ASTN2: variants seen among roughly 807,000 people sequenced by gnomAD.
The protein encoded by ASTN2 is astrotactin 2.
Under a neutral mutation model 139.8 loss-of-function variants are expected in ASTN2, and 54 were observed. That is an observed-to-expected ratio of 0.39 (90% CI 0.31 to 0.48). ASTN2 has a LOEUF of 0.48. Among genes scored for constraint, ASTN2 ranks in the 20% least tolerant of loss-of-function variants. The pLI is 0.95. For synonymous variants in ASTN2, 756 were observed against 719.5 expected, an observed-to-expected ratio of 1.05 and a Z score of -0.81; for missense variants, 1,565 against 1,725.1, an observed-to-expected ratio of 0.91 and a Z score of 1.64.
At chr9:117,108,881 A>ACTTCC (rs1241449145) in intron 4 of ASTN2, among the ~76,000 whole-genome samples, 1 of 152,046 alleles carries the variant, frequency 6.6e-6, no homozygotes, top group Admixed American at 6.6e-5. Context: ...GGTGCTCCCA[A>ACTTCC]CTTCCCTTCA....
At chr9:116,730,661 A>G (rs1411976069) in intron 14 of ASTN2, among the ~76,000 whole-genome samples, 2 of 152,212 alleles carry the variant, frequency 1.3e-5, no homozygotes, top group Non-Finnish European at 2.9e-5. Context: ...ATTACTGCTC[A>G]TTCATGTTCA....
At chr9:116,672,749 G>T (rs1474351487) in intron 16 of ASTN2, among the ~76,000 whole-genome samples, 4 of 152,068 alleles carry the variant, frequency 2.6e-5, no homozygotes, top group Non-Finnish European at 5.9e-5. Flanking sequence ...GTTGCAAAAA[G>T]ATACCAAGAA....
rs200108087 is a variant in ASTN2, at chr9:117,008,155, C to A, written c.1528G>T (p.Val510Leu). Residue 510 changes from valine (V) to leucine (L), a missense_variant, in exon 7 of 23, where the codon GTG becomes TTG. Coordinates refer to ENST00000313400, the MANE Select transcript of ASTN2 (RefSeq NM_001365068.1). ...YYQINATSPW[V>L]RDLCGQRTTD... ...GTCCTTTGTCCACAGAGGTCCCTCA[C>A]CCATGGGGAGGTGGCATTGATCTGG... 89 of 1,611,104 alleles carry A rather than the reference C, an allele frequency of 5.5e-5. No homozygotes were observed. Among genetic ancestry groups the A allele is most frequent in the Non-Finnish European group, 6.6e-5 (78 of 1,178,686 alleles).
intron 3 of ASTN2, among the ~76,000 whole-genome samples, chr9:117,174,252 C>G (rs1378500255): frequency 6.6e-6 from 1 of 151,924 alleles, no homozygotes; most frequent in East Asian, 1.9e-4. Context: ...ATACTATCTG[C>G]TAAATATTTA....
intron 11 of ASTN2, 64 bp downstream of exon 11, chr9:116,863,519 G>A (rs556665897): frequency 3.2e-6 from 5 of 1,577,518 alleles, no homozygotes; most frequent in Middle Eastern, 3.7e-4. Flanking sequence ...CGCAGGGCAG[G>A]GCTTCTAGCA....
intron 4 of ASTN2, among the ~76,000 whole-genome samples, chr9:117,104,625 C>T (rs895031918): frequency 6.6e-6 from 1 of 152,088 alleles, no homozygotes; most frequent in Non-Finnish European, 1.5e-5. Flanking sequence ...TATGTAAATA[C>T]ACACATGCAA....
Position 116,975,365 on chromosome 9 carries a change from A to G in ASTN2, c.1752-20T>C. 1 of 1,583,150 alleles carries G rather than the reference A, an allele frequency of 6.3e-7. No homozygotes were observed. Among genetic ancestry groups the G allele is most frequent in the Non-Finnish European group, 8.6e-7 (1 of 1,165,210 alleles). ...GTAGACCTGCAATGTAAGAGTTTCC[A>G]TTGGGGAACTCCCTGGGAAGCAGAG... On this transcript the variant is annotated intron_variant, in intron 9 of 22. Coordinates refer to ENST00000313400, the MANE Select transcript of ASTN2 (RefSeq NM_001365068.1).
chr9:117,270,565 C>A (rs1224363399), intron 2 of ASTN2, among the ~76,000 whole-genome samples: 1 of 152,188 alleles, frequency 6.6e-6, no homozygotes, highest in Non-Finnish European at 1.5e-5. Flanking sequence ...GCATTCCTAA[C>A]CTTTCAATTA....
chr9:116,964,356 G>A (rs1278151216), intron 10 of ASTN2, among the ~76,000 whole-genome samples: 1 of 151,976 alleles, frequency 6.6e-6, no homozygotes, highest in African/African-American at 2.4e-5. Context: ...TGCAACGAGT[G>A]GGCCTTAAAA....
At chr9:117,374,895 C>T (rs552347441) in intron 1 of ASTN2, among the ~76,000 whole-genome samples, 4 of 152,294 alleles carry the variant, frequency 2.6e-5, no homozygotes, top group South Asian at 4.2e-4. Context: ...ACTGTCAACC[C>T]AGAATTGAAG....
intron 1 of ASTN2, among the ~76,000 whole-genome samples, chr9:117,377,769 A>G (rs1830163710): frequency 1.3e-5 from 2 of 152,136 alleles, no homozygotes; most frequent in African/African-American, 4.8e-5. Flanking sequence ...GTCATTACAA[A>G]TAATGATATG....
At chr9:116,534,298 T>G (rs907900133) in intron 19 of ASTN2, among the ~76,000 whole-genome samples, 8 of 152,146 alleles carry the variant, frequency 5.3e-5, no homozygotes, top group Non-Finnish European at 1.0e-4. Flanking sequence ...TTTGTTGATC[T>G]TTTCAAAAAA....
intron 1 of ASTN2, among the ~76,000 whole-genome samples, chr9:117,302,050 T>C (rs892870666): frequency 1.8e-5 from 2 of 113,144 alleles, no homozygotes; most frequent in Non-Finnish European, 3.3e-5. Flanking sequence ...CTCACCACTG[T>C]CAAGGCAAGA....
chr9:116,685,549 T>C (rs2132033834), intron 16 of ASTN2, among the ~76,000 whole-genome samples: 1 of 152,340 alleles, frequency 6.6e-6, no homozygotes. Context: ...ATTAAAATGC[T>C]GAATAAAGAG....
At chr9:116,989,437 CA>C (rs1301782101) in intron 7 of ASTN2, among the ~76,000 whole-genome samples, 2 of 152,172 alleles carry the variant, frequency 1.3e-5, no homozygotes, top group Non-Finnish European at 2.9e-5. Flanking sequence ...GGCAGATGGT[CA>C]GGGTCACAGC....
chr9:117,216,012 C>A (rs925539581), intron 2 of ASTN2, among the ~76,000 whole-genome samples: 2 of 152,124 alleles, frequency 1.3e-5, no homozygotes, highest in Non-Finnish European at 2.9e-5. Flanking sequence ...AACTCTAGAG[C>A]CTATATTCTT....
intron 17 of ASTN2, among the ~76,000 whole-genome samples, chr9:116,646,786 G>A (rs73655456): frequency 6.6e-6 from 1 of 152,162 alleles, no homozygotes; most frequent in African/African-American, 2.4e-5. Flanking sequence ...GAGTAGAAGT[G>A]AGAAGATAGT....
intron 5 of ASTN2, among the ~76,000 whole-genome samples, chr9:117,091,677 C>A (rs570408427): frequency 1.3e-5 from 2 of 151,396 alleles, no homozygotes; most frequent in Non-Finnish European, 2.9e-5. Context: ...GAAGAGGCCC[C>A]GGGGGAGAGG....
chr9:117,153,510 A>G (rs552822212), intron 3 of ASTN2, among the ~76,000 whole-genome samples: 18 of 152,180 alleles, frequency 1.2e-4, no homozygotes, highest in Non-Finnish European at 2.1e-4. Flanking sequence ...ACATATCATT[A>G]TCTCTATCTT....
Sources: allele counts gnomAD v4.1 joint callset (sites outside exome capture counted in the v4.1 genomes callset), GRCh38; gene constraint gnomAD v4.1.1; transcripts MANE v1.5; gene names NCBI Gene and HGNC (gene_info 2026-07-23, HGNC 2026-07-21).